ADAMTS12: variants seen among roughly 807,000 people sequenced by gnomAD.
ADAMTS12 encodes the protein A disintegrin and metalloproteinase with thrombospondin motifs 12.
ADAMTS12 carries 118 observed loss-of-function variants against 167.8 expected under a neutral mutation model. The observed-to-expected ratio is 0.70, with a 90% CI of 0.61 to 0.82. The LOEUF is 0.82. ADAMTS12 is among the 40% of genes least tolerant of loss of function. The probability of loss-of-function intolerance (pLI) is 0.00; values close to 1 mark genes in which losing one functional copy is unlikely to be tolerated. For synonymous variants in ADAMTS12, 704 were observed against 716.9 expected (o/e 0.98, Z 0.29); for missense variants, 1,916 against 1,998.8 (o/e 0.96, Z 0.79).
intron 2 of ADAMTS12, among the ~76,000 whole-genome samples, chr5:33,836,431 G>A (rs1274082893): frequency 1.3e-5 from 2 of 152,160 alleles, no homozygotes; most frequent in African/African-American, 4.8e-5. Context: ...GCAAAACCTG[G>A]AAGGCTGGCT....
At chr5:33,583,372 T>C (rs1337101040) in intron 18 of ADAMTS12, among the ~76,000 whole-genome samples, 2 of 152,198 alleles carry the variant, frequency 1.3e-5, no homozygotes, top group Non-Finnish European at 2.9e-5. Context: ...ATGCACCACA[T>C]TTTCTTTATC....
chr5:33,556,420 A>G (rs926849609), intron 20 of ADAMTS12, among the ~76,000 whole-genome samples: 1 of 152,340 alleles, frequency 6.6e-6, no homozygotes, highest in African/African-American at 2.4e-5. Context: ...GTGATAAACT[A>G]CTTGCAGACA....
intron 2 of ADAMTS12, among the ~76,000 whole-genome samples, chr5:33,836,569 A>G (rs1748534892): frequency 6.6e-6 from 1 of 152,204 alleles, no homozygotes; most frequent in African/African-American, 2.4e-5. Context: ...GGAGGCAGAC[A>G]ACGGGACCAA....
intron 3 of ADAMTS12, among the ~76,000 whole-genome samples, chr5:33,724,249 A>C (rs1447739981): frequency 2.0e-5 from 3 of 152,206 alleles, no homozygotes. Context: ...GAGGCCCAAC[A>C]TAGAAAACAG....
At chr5:33,867,237 A>C (rs557380871) in intron 2 of ADAMTS12, among the ~76,000 whole-genome samples, 1 of 152,352 alleles carries the variant, frequency 6.6e-6, no homozygotes, top group African/African-American at 2.4e-5. Context: ...CAAATGGATA[A>C]AGAAAATGTG....
At chr5:33,683,138 A>T in intron 4 of ADAMTS12, 37 bp from the exon 5 acceptor site, 2 of 1,443,282 alleles carry the variant, frequency 1.4e-6, no homozygotes, top group Non-Finnish European at 1.9e-6. Flanking sequence ...GCTCCACACG[A>T]AGAGATAATA....
intron 2 of ADAMTS12, among the ~76,000 whole-genome samples, chr5:33,803,310 C>T (rs1224301033): frequency 1.3e-5 from 2 of 152,170 alleles, no homozygotes; most frequent in African/African-American, 2.4e-5. Context: ...TACTGGTGAC[C>T]GGACATAAGC....
intron 22 of ADAMTS12, among the ~76,000 whole-genome samples, chr5:33,543,270 G>A (rs1744797699): frequency 6.6e-6 from 1 of 152,116 alleles, no homozygotes. Context: ...CAGATAAAAT[G>A]GATAAATTCT....
intron 20 of ADAMTS12, among the ~76,000 whole-genome samples, chr5:33,555,417 T>G (rs1247474692): frequency 3.9e-5 from 6 of 152,124 alleles, no homozygotes; most frequent in Non-Finnish European, 1.5e-5. Context: ...GGGCTAAGTT[T>G]TTTTGTATTT....
chr5:33,583,821 T>A (rs1183260590), intron 18 of ADAMTS12, among the ~76,000 whole-genome samples: 1 of 152,226 alleles, frequency 6.6e-6, no homozygotes, highest in Non-Finnish European at 1.5e-5. Flanking sequence ...AAATCTTTTG[T>A]GAAAGGCTTT....
intron 7 of ADAMTS12, among the ~76,000 whole-genome samples, chr5:33,654,451 G>T (rs528959035): frequency 1.3e-5 from 2 of 152,272 alleles, no homozygotes; most frequent in East Asian, 3.9e-4. Flanking sequence ...GGGGAAGGGA[G>T]TGGGGCCACT....
chr5:33,606,057 C>A (rs1319259315), intron 16 of ADAMTS12, among the ~76,000 whole-genome samples: 1 of 152,122 alleles, frequency 6.6e-6, no homozygotes, highest in African/African-American at 2.4e-5. Context: ...AAGCAAATCT[C>A]CTCCCTCAGC....
intron 2 of ADAMTS12, among the ~76,000 whole-genome samples, chr5:33,761,438 G>C (rs1010248854): frequency 6.6e-5 from 10 of 152,218 alleles, no homozygotes; most frequent in South Asian, 2.1e-4. Context: ...ATCTCTGATG[G>C]CTTAGTGATG....
In ADAMTS12 at chr5:33,549,361, C is replaced by A. The variant is rs2111831960; in HGVS notation, c.4148G>T (p.Gly1383Val). The change falls in exon 21 of 24, where the codon GGC becomes GTC. Residue 1383 changes from glycine (G) to valine (V), a missense_variant. Coordinates refer to ENST00000504830, the MANE Select transcript of ADAMTS12 (RefSeq NM_030955.4). ...GCACTGAATCTCGCGTATCTTGAAGCCCCCACTGCAGTTTCTGGAGCACTG... is the reference window on the plus strand; with the variant it reads ...GCACTGAATCTCGCGTATCTTGAAGACCCCACTGCAGTTTCTGGAGCACTG... ...WSKCSRNCSGGFKIREIQCVD... is the reference protein window; with the variant it reads ...WSKCSRNCSGVFKIREIQCVD... The A allele has an allele frequency of 6.2e-7, 1 of 1,613,812 alleles. No individual in the cohort carries two copies. The highest frequency in any genetic ancestry group is 8.5e-7 in the Non-Finnish European group (1 of 1,179,736).
At chr5:33,814,534 G>C (rs1747579319) in intron 2 of ADAMTS12, among the ~76,000 whole-genome samples, 1 of 152,156 alleles carries the variant, frequency 6.6e-6, no homozygotes, top group Non-Finnish European at 1.5e-5. Context: ...AGATATTTAG[G>C]ATGAAGATAT....
intron 18 of ADAMTS12, 38 bp from the exon 19 acceptor site, chr5:33,577,198 G>A (rs776343027): frequency 2.2e-5 from 36 of 1,613,146 alleles, no homozygotes; most frequent in Non-Finnish European, 3.0e-5. Context: ...GGCGAGAGAA[G>A]ATGCTTTTAT....
intron 19 of ADAMTS12, among the ~76,000 whole-genome samples, chr5:33,562,378 A>G (rs754788880): frequency 1.8e-4 from 27 of 152,118 alleles, no homozygotes; most frequent in Non-Finnish European, 3.8e-4. Flanking sequence ...TTTGAAAACC[A>G]TGAAAATGTC....
intron 2 of ADAMTS12, among the ~76,000 whole-genome samples, chr5:33,753,710 A>G (rs1385385734): frequency 6.6e-6 from 1 of 152,212 alleles, no homozygotes; most frequent in Non-Finnish European, 1.5e-5. Context: ...TGAGGACATA[A>G]TAACCATTTT....
intron 23 of ADAMTS12, among the ~76,000 whole-genome samples, chr5:33,530,024 A>G (rs1744017691): frequency 6.6e-6 from 1 of 151,970 alleles, no homozygotes; most frequent in African/African-American, 2.4e-5. Flanking sequence ...GGTTCAAGCA[A>G]TTCTCCTGCC....
Sources: allele counts gnomAD v4.1 joint callset (sites outside exome capture counted in the v4.1 genomes callset), GRCh38; gene constraint gnomAD v4.1.1; transcripts MANE v1.5; gene names NCBI Gene and HGNC (gene_info 2026-07-23, HGNC 2026-07-21).